Variants in PTCHD4 observed in about 807,000 individuals in gnomAD.
PTCHD4 encodes patched domain containing 4.
A neutral mutation model predicts 58.1 loss-of-function variants in PTCHD4; 33 were observed. The ratio of observed to expected loss-of-function variants is 0.57; its 90% confidence interval spans 0.43 to 0.76. The LOEUF (loss-of-function observed/expected upper bound fraction) is 0.76. PTCHD4 is among the 30% of genes least tolerant of loss of function. The pLI is 0.00. For missense variants in PTCHD4, 1,058 were observed against 1,027.1 expected (o/e 1.03, Z -0.41); for synonymous variants, 478 against 409.6 (o/e 1.17, Z -2.02).
In PTCHD4 at chr6:48,103,649, T is replaced by G. The variant is rs368236833; in HGVS notation, c.-970+7400A>C. Among the ~76,000 whole-genome samples the G allele has an allele frequency of 1.3e-3, 193 of 151,904 alleles. 4 individuals are homozygous for G. In the South Asian group the frequency reaches 0.039, roughly 31 times the overall value. ...GGAAGGCTTCAGAAGATCAAACTAC[T>G]CCGAGCTAAAGGAGGAAGTTCTAAC... On this transcript the variant is annotated intron_variant, in intron 1 of 4. Transcript: ENST00000339488.
intron 4 of PTCHD4, among the ~76,000 whole-genome samples, chr6:47,903,553 G>C (rs778653292): frequency 6.6e-6 from 1 of 152,098 alleles, no homozygotes; most frequent in South Asian, 2.1e-4. Flanking sequence ...GGGCCCAAGC[G>C]ATCTGGCTGC....
intron 3 of PTCHD4, among the ~76,000 whole-genome samples, chr6:48,028,370 G>A (rs184006356): frequency 6.6e-6 from 1 of 152,092 alleles, no homozygotes; most frequent in Non-Finnish European, 1.5e-5. Flanking sequence ...GAATAATAAA[G>A]AGGAAAAATA....
At chr6:47,989,890 G>T (rs1025021106) in intron 4 of PTCHD4, among the ~76,000 whole-genome samples, 2 of 152,104 alleles carry the variant, frequency 1.3e-5, no homozygotes, top group Non-Finnish European at 2.9e-5. Context: ...CCCCAGAACC[G>T]TAGATCCACC....
chr6:47,919,633 C>T (rs893323795), intron 4 of PTCHD4, among the ~76,000 whole-genome samples: 2 of 152,120 alleles, frequency 1.3e-5, no homozygotes, highest in Non-Finnish European at 2.9e-5. Context: ...GTGTCAGGGT[C>T]AGAGATCATG....
intron 3 of PTCHD4, among the ~76,000 whole-genome samples, chr6:48,048,035 A>C (rs918584716): frequency 6.6e-6 from 1 of 150,862 alleles, no homozygotes; most frequent in African/African-American, 2.5e-5. Context: ...AAAAAAAAAA[A>C]AAACCCTTTC....
At chr6:47,944,191 C>T (rs1766335652) in intron 4 of PTCHD4, among the ~76,000 whole-genome samples, 1 of 152,084 alleles carries the variant, frequency 6.6e-6, no homozygotes, top group Non-Finnish European at 1.5e-5. Flanking sequence ...AGCAAACACA[C>T]TGCACAATGG....
At chr6:47,990,481 T>C (rs930240211) in intron 4 of PTCHD4, among the ~76,000 whole-genome samples, 1 of 152,062 alleles carries the variant, frequency 6.6e-6, no homozygotes, top group Non-Finnish European at 1.5e-5. Flanking sequence ...TTTTGAATCA[T>C]GGGGGCAGTT....
intron 4 of PTCHD4, among the ~76,000 whole-genome samples, chr6:47,937,855 GTA>G (rs1766060328): frequency 6.6e-6 from 1 of 152,142 alleles, no homozygotes; most frequent in Non-Finnish European, 1.5e-5. Flanking sequence ...TGATAGGCAA[GTA>G]AAGAAAATAT....
intron 4 of PTCHD4, among the ~76,000 whole-genome samples, chr6:47,952,447 T>C (rs1242335908): frequency 2.0e-5 from 3 of 152,088 alleles, no homozygotes; most frequent in African/African-American, 7.2e-5. Flanking sequence ...ACAAAGTATA[T>C]ACTCAGTGGT....
rs1764935104 is a variant in PTCHD4, at chr6:48,069,622, T to C, written c.-665A>G. Among the ~76,000 whole-genome samples the C allele has an allele frequency of 6.6e-6, 1 of 152,140 alleles. No homozygotes were observed. Among genetic ancestry groups the C allele is most frequent in the Non-Finnish European group, 1.5e-5 (1 of 68,018 alleles). Reference sequence around the variant, plus strand: ...GACCGTCTGGATAGCTTCTTTCCTCTGATGGCTGGAGAGGAGGCATTTGCC... The same window carrying C: ...GACCGTCTGGATAGCTTCTTTCCTCCGATGGCTGGAGAGGAGGCATTTGCC... On this transcript the variant is annotated 5_prime_UTR_variant, in exon 2 of 5. Transcript: ENST00000339488.
chr6:47,908,753 T>A (rs2113863529), intron 4 of PTCHD4, among the ~76,000 whole-genome samples: 1 of 152,306 alleles, frequency 6.6e-6, no homozygotes, highest in East Asian at 1.9e-4. Context: ...CTTTTGGTTG[T>A]ATCTAATTAT....
chr6:47,965,004 G>GT (rs1238794651), intron 4 of PTCHD4, among the ~76,000 whole-genome samples: 1 of 151,964 alleles, frequency 6.6e-6, no homozygotes, highest in Non-Finnish European at 1.5e-5. Context: ...CTGCCATTAC[G>GT]TATTTGTATT....
At chr6:48,036,859 A>G (rs543477793) in intron 3 of PTCHD4, among the ~76,000 whole-genome samples, 1 of 152,278 alleles carries the variant, frequency 6.6e-6, no homozygotes, top group East Asian at 1.9e-4. Context: ...GGCACCTCAC[A>G]CTGTAAGTTA....
intron 4 of PTCHD4, among the ~76,000 whole-genome samples, chr6:47,880,578 G>A (rs542063202): frequency 2.6e-5 from 4 of 151,808 alleles, no homozygotes; most frequent in East Asian, 1.9e-4. Context: ...CAAGACCTTC[G>A]GGGTGAAAAA....
chr6:47,979,484 G>A (rs1411532557), intron 4 of PTCHD4, among the ~76,000 whole-genome samples: 3 of 152,062 alleles, frequency 2.0e-5, no homozygotes, highest in African/African-American at 7.2e-5. Flanking sequence ...TGATAAAAAA[G>A]TGTAGTCAAT....
At chr6:48,095,732 C>CAAA (rs112185985) in intron 1 of PTCHD4, among the ~76,000 whole-genome samples, 2,081 of 124,880 alleles carry the variant, frequency 0.017, 35 homozygotes, top group Admixed American at 0.048. Flanking sequence ...CAAAAGGAAC[C>CAAA]AAAAAAAAAA....
intron 3 of PTCHD4, among the ~76,000 whole-genome samples, chr6:48,052,951 G>T (rs1764284373): frequency 6.6e-6 from 1 of 152,114 alleles, no homozygotes; most frequent in South Asian, 2.1e-4. Flanking sequence ...GCTTTCTACT[G>T]ACCCAAGAAG....
chr6:47,899,762 A>G (rs1174899813), intron 4 of PTCHD4: 4 of 159,676 alleles, frequency 2.5e-5, no homozygotes, highest in Non-Finnish European at 5.3e-5. Flanking sequence ...CTTCTGTATC[A>G]TTAGCAGTGA....
At chr6:48,077,043 G>A (rs1765074905) in intron 1 of PTCHD4, among the ~76,000 whole-genome samples, 1 of 152,180 alleles carries the variant, frequency 6.6e-6, no homozygotes, top group African/African-American at 2.4e-5. Flanking sequence ...GCCCTACTCA[G>A]GCCATATTTA....
Sources: gnomAD v4.1 joint callset for allele counts (sites outside exome capture counted in the v4.1 genomes callset) on GRCh38, gnomAD v4.1.1 for gene constraint, MANE v1.5 for transcripts, NCBI Gene and HGNC (gene_info 2026-07-23, HGNC 2026-07-21) for gene names.